The following NTNG1 variants were observed in gnomAD, a reference collection of about 807,000 sequenced individuals.
The protein encoded by NTNG1 is netrin G1, also known as netrin-G1.
Under a neutral mutation model 54.0 loss-of-function variants are expected in NTNG1, and 16 were observed. The ratio of observed to expected loss-of-function variants is 0.30; its 90% CI spans 0.20 to 0.45. NTNG1 has a LOEUF of 0.45. Ranked by LOEUF, NTNG1 falls within the 20% of genes least tolerant of loss-of-function variation. NTNG1 has a pLI of 1.00. For missense variants in NTNG1, 530 were observed against 678.7 expected, an observed-to-expected ratio of 0.78 and a Z score of 2.43; for synonymous variants, 255 against 263.1, an observed-to-expected ratio of 0.97 and a Z score of 0.30.
Position 107,271,954 on chromosome 1 carries a change from T to G in NTNG1, c.247-52328T>G, listed in dbSNP as rs983619324. ...GTTCTGTCAAGTTTAGTACCTGTTCTAAAAACAATGATTCAGAGTTTTAAG... is the reference window on the plus strand; with the variant it reads ...GTTCTGTCAAGTTTAGTACCTGTTCGAAAAACAATGATTCAGAGTTTTAAG... On this transcript the variant is annotated intron_variant, in intron 2 of 7. Coordinates refer to ENST00000370068, the MANE Select transcript of NTNG1 (RefSeq NM_001113226.3). Among the ~76,000 whole-genome samples the G allele has an allele frequency of 3.9e-5, 6 of 152,190 alleles. No homozygotes were observed. In the East Asian group the frequency reaches 5.8e-4, roughly 15 times the overall value.
intron 2 of NTNG1, among the ~76,000 whole-genome samples, chr1:107,202,778 C>T (rs911551496): frequency 6.6e-6 from 1 of 151,910 alleles, no homozygotes; most frequent in Non-Finnish European, 1.5e-5. Context: ...TCCAAATGCA[C>T]TATTTTCTCC....
At chr1:107,386,439 G>T (rs1209170286) in intron 3 of NTNG1, among the ~76,000 whole-genome samples, 8 of 152,084 alleles carry the variant, frequency 5.3e-5, no homozygotes, top group African/African-American at 1.9e-4. Context: ...CTCCCAAAGT[G>T]CTGGGATTAC....
intron 2 of NTNG1, among the ~76,000 whole-genome samples, chr1:107,183,121 C>T (rs4311917): frequency 6.6e-6 from 1 of 152,026 alleles, no homozygotes; most frequent in African/African-American, 2.4e-5. Context: ...CATTTAATTC[C>T]GTGCTGGAAG....
chr1:107,215,818 C>T (rs1020226142), intron 2 of NTNG1, among the ~76,000 whole-genome samples: 1 of 151,412 alleles, frequency 6.6e-6, no homozygotes, highest in Non-Finnish European at 1.5e-5. Flanking sequence ...TTTCTTTCAG[C>T]AGGGTTTTGT....
intron 7 of NTNG1, among the ~76,000 whole-genome samples, chr1:107,445,753 C>T (rs1676270485): frequency 6.6e-6 from 1 of 152,090 alleles, no homozygotes. Flanking sequence ...GTAGGCCATA[C>T]AGTCTCTGTC....
At chr1:107,466,916 TC>T (rs1389196912) in intron 7 of NTNG1, among the ~76,000 whole-genome samples, 8 of 152,152 alleles carry the variant, frequency 5.3e-5, no homozygotes, top group Non-Finnish European at 1.5e-5. Flanking sequence ...TGACTTAATT[TC>T]CCCCCTTTTC....
chr1:107,256,888 T>A (rs1662969698), intron 2 of NTNG1, among the ~76,000 whole-genome samples: 1 of 152,226 alleles, frequency 6.6e-6, no homozygotes, highest in Admixed American at 6.5e-5. Flanking sequence ...ATGCCCTTCC[T>A]ATACCTGTCA....
chr1:107,325,767 G>C (rs961600618), intron 3 of NTNG1, among the ~76,000 whole-genome samples: 1 of 152,078 alleles, frequency 6.6e-6, no homozygotes, highest in Middle Eastern at 3.2e-3. Context: ...ATGAGATAAT[G>C]AGTGGGAAAA....
intron 2 of NTNG1, among the ~76,000 whole-genome samples, chr1:107,234,226 G>A (rs1336642777): frequency 2.6e-5 from 4 of 152,082 alleles, no homozygotes; most frequent in Non-Finnish European, 2.9e-5. Context: ...GGGTTCAAGC[G>A]ATTTTCCTGC....
At chr1:107,376,357 G>A (rs1671245979) in intron 3 of NTNG1, among the ~76,000 whole-genome samples, 1 of 151,822 alleles carries the variant, frequency 6.6e-6, no homozygotes, top group Non-Finnish European at 1.5e-5. Context: ...ACAGTGAGCC[G>A]AGGTCGCGCC....
intron 3 of NTNG1, among the ~76,000 whole-genome samples, chr1:107,356,694 G>A (rs1669955286): frequency 6.6e-6 from 1 of 150,852 alleles, no homozygotes; most frequent in Admixed American, 6.6e-5. Flanking sequence ...GAAACGTATT[G>A]TATCCTTTGG....
rs10642554 is a variant in NTNG1, at chr1:107,227,666, GCT to G, written c.246+78849_246+78850del. Reference sequence around the variant, plus strand: ...TTCATATTCTCAATCTGTCTCTCTCGCTCTCTCTCTCTCTCTCTCTCTCACAC... The same window carrying G: ...TTCATATTCTCAATCTGTCTCTCTCGCTCTCTCTCTCTCTCTCTCTCACAC... On this transcript the variant is annotated intron_variant, in intron 2 of 7. Coordinates refer to ENST00000370068, the MANE Select transcript of NTNG1 (RefSeq NM_001113226.3). Among the ~76,000 whole-genome samples the G allele has an allele frequency of 7.1e-3, 1,013 of 143,662 alleles. 16 individuals carry two copies. The highest frequency in any genetic ancestry group is 0.021 in the African/African-American group (838 of 40,348). 94.2% of individuals were successfully genotyped at this position (143,662 alleles called of 152,430 possible).
intron 3 of NTNG1, among the ~76,000 whole-genome samples, chr1:107,364,650 G>A (rs1419605521): frequency 6.6e-6 from 1 of 152,172 alleles, no homozygotes; most frequent in African/African-American, 2.4e-5. Context: ...TCACACATAA[G>A]AAAGCATCTC....
intron 7 of NTNG1, among the ~76,000 whole-genome samples, chr1:107,442,317 T>A (rs2101425092): frequency 6.6e-6 from 1 of 152,208 alleles, no homozygotes; most frequent in Middle Eastern, 3.4e-3. Flanking sequence ...GGTAGGATGT[T>A]AGACCTTTTT....
At chr1:107,162,699 A>C (rs1042003647) in intron 2 of NTNG1, among the ~76,000 whole-genome samples, 2 of 152,310 alleles carry the variant, frequency 1.3e-5, no homozygotes, top group South Asian at 4.1e-4. Context: ...GGCCACCCGA[A>C]TTAAAAGATA....
At chr1:107,382,311 A>G (rs1016729193) in intron 3 of NTNG1, among the ~76,000 whole-genome samples, 13 of 152,170 alleles carry the variant, frequency 8.5e-5, no homozygotes, top group African/African-American at 3.1e-4. Context: ...TTTCAAAGAA[A>G]TTAGCCCCAG....
chr1:107,327,137 C>A (rs1284835772), intron 3 of NTNG1, among the ~76,000 whole-genome samples: 3 of 152,098 alleles, frequency 2.0e-5, no homozygotes, highest in Non-Finnish European at 4.4e-5. Context: ...TGAGAAAGGT[C>A]CAGTAGAGGT....
intron 7 of NTNG1, among the ~76,000 whole-genome samples, chr1:107,443,272 C>T (rs866725972): frequency 1.3e-5 from 2 of 152,108 alleles, no homozygotes; most frequent in African/African-American, 2.4e-5. Context: ...TCCCACTAAC[C>T]GTGTTCTCAG....
At chr1:107,203,592 A>G (rs553729544) in intron 2 of NTNG1, among the ~76,000 whole-genome samples, 5 of 149,546 alleles carry the variant, frequency 3.3e-5, no homozygotes, top group African/African-American at 1.0e-4. Context: ...GTGTGTGTGT[A>G]TATATATACA....
Sources: gnomAD v4.1 joint callset for allele counts (sites outside exome capture counted in the v4.1 genomes callset) on GRCh38, gnomAD v4.1.1 for gene constraint, MANE v1.5 for transcripts, NCBI Gene and HGNC (gene_info 2026-07-23, HGNC 2026-07-21) for gene names.